Variants in TTI2 observed in about 807,000 individuals in gnomAD.
TTI2 encodes the protein TELO2-interacting protein 2.
A neutral mutation model predicts 44.9 loss-of-function variants in TTI2; 26 were observed. The observed-to-expected ratio is 0.58, with a 90% CI of 0.42 to 0.80. The LOEUF (loss-of-function observed/expected upper bound fraction) is 0.80. Among genes scored for constraint, TTI2 ranks in the 30% least tolerant of loss-of-function variants. The pLI, the probability that TTI2 is intolerant of heterozygous loss-of-function variation, is 0.00. For missense variants in TTI2, 582 were observed against 611.6 expected (o/e 0.95, Z 0.51); for synonymous variants, 254 against 250.9 (o/e 1.01, Z -0.12).
chr8:33,505,585 G>A (rs1039841052), intron 4 of TTI2, among the ~76,000 whole-genome samples: 2 of 151,884 alleles, frequency 1.3e-5, no homozygotes, highest in African/African-American at 4.8e-5. Context: ...TGCCTCCTGG[G>A]TTCAAGCAAT....
chr8:33,502,490 T>C (rs1809121824), intron 6 of TTI2, among the ~76,000 whole-genome samples: 1 of 149,528 alleles, frequency 6.7e-6, no homozygotes, highest in Non-Finnish European at 1.5e-5. Context: ...CATCAAAGAG[T>C]ACCTAGATGG....
intron 4 of TTI2, among the ~76,000 whole-genome samples, chr8:33,506,470 C>T (rs1159767498): frequency 6.8e-6 from 1 of 147,648 alleles, no homozygotes; most frequent in African/African-American, 2.5e-5. Flanking sequence ...CGGCTCACTG[C>T]AACCTCCACC....
intron 6 of TTI2, among the ~76,000 whole-genome samples, chr8:33,502,441 C>T (rs879618664): frequency 6.6e-6 from 1 of 151,854 alleles, no homozygotes; most frequent in African/African-American, 2.4e-5. Context: ...GGTTTCCCAA[C>T]CTATTTGACC....
chr8:33,511,528 C>T (rs1809527234), intron 2 of TTI2, among the ~76,000 whole-genome samples: 1 of 152,096 alleles, frequency 6.6e-6, no homozygotes, highest in Non-Finnish European at 1.5e-5. Context: ...TTAAGAGATC[C>T]GTGGTTACAG....
intron 3 of TTI2, among the ~76,000 whole-genome samples, chr8:33,509,056 T>A (rs924929614): frequency 7.1e-6 from 1 of 141,424 alleles, no homozygotes; most frequent in South Asian, 2.2e-4. Flanking sequence ...GGCAAGAGAA[T>A]CACTTGAACC....
At chr8:33,509,996 A>C (rs530575039) in intron 2 of TTI2, 64 bp from the exon 3 acceptor site, 8 of 1,298,242 alleles carry the variant, frequency 6.2e-6, no homozygotes, top group African/African-American at 1.5e-5. Flanking sequence ...AAAAAAAAAA[A>C]AAACTACTTC....
rs150617464 is a variant in TTI2, at chr8:33,512,143, G to A, written c.471C>T (p.His157=). 3.7e-6 allele frequency: 6 copies of A among 1,614,140 alleles called. No individual in the cohort carries two copies. In the Middle Eastern group the frequency reaches 6.6e-4, roughly 178 times the overall value. ...AGPVYIFAIT[H]SLEQPWTTPR... is the part of the protein sequence containing the mutation. ...GAGTGGTCCATGGTTGCTCCAAGCTGTGTGTGATGGCAAAAATATAAACGG... is the reference window on the plus strand; with the variant it reads ...GAGTGGTCCATGGTTGCTCCAAGCTATGTGTGATGGCAAAAATATAAACGG... The change falls in exon 2 of 8, where the codon CAC becomes CAT. Residue 157 remains histidine, a synonymous_variant. Coordinates refer to ENST00000431156, the MANE Select transcript of TTI2 (RefSeq NM_001102401.4).
At chr8:33,509,598 C>T (rs1221844413) in intron 3 of TTI2, 148 bp downstream of exon 3, 3 of 744,022 alleles carry the variant, frequency 4.0e-6, no homozygotes, top group Non-Finnish European at 6.9e-6. Context: ...CTATAGGATA[C>T]AACTTCTACC....
At chr8:33,509,620 G>A in intron 3 of TTI2, 126 bp downstream of exon 3, 2 of 939,840 alleles carry the variant, frequency 2.1e-6, no homozygotes, top group South Asian at 1.4e-5. Context: ...GGTGGATAGA[G>A]GAAAAATATA....
chr8:33,502,011 G>A (rs1479473546), intron 6 of TTI2, among the ~76,000 whole-genome samples: 2 of 151,820 alleles, frequency 1.3e-5, no homozygotes, highest in African/African-American at 2.4e-5. Flanking sequence ...TGGTTCCATT[G>A]CACCTCACTG....
chr8:33,512,638 G>A lies in TTI2; in HGVS notation c.-25C>T, dbSNP rs754008183. 4 of 1,609,838 alleles carry A rather than the reference G, an allele frequency of 2.5e-6. No individual in the cohort carries two copies. The highest frequency in any genetic ancestry group is 3.4e-6 in the Non-Finnish European group (4 of 1,179,890). The stretch of plus-strand genomic sequence containing the variant: ...TTCCTGACTGCAGCACCAGAAGGCT[G>A]GTCTCTCCCACAGAACGAGGATGGA... On this transcript the variant is annotated 5_prime_UTR_variant, in exon 2 of 8. Transcript: ENST00000431156.
rs372586997 is a variant in TTI2, at chr8:33,507,228, C to T, written c.927+1G>A. The T allele has an allele frequency of 6.2e-7, 1 of 1,613,432 alleles. No homozygotes were observed. Reference sequence around the variant, plus strand: ...CAGTTATGAAGAAATCATACTATTACCTGAATGAGGTGGTGCTCTGGTGTG... The same window carrying T: ...CAGTTATGAAGAAATCATACTATTATCTGAATGAGGTGGTGCTCTGGTGTG... On this transcript the variant is annotated splice_donor_variant, in intron 4 of 7. Transcript: ENST00000431156. LOFTEE classifies it high-confidence loss of function.
In TTI2 at chr8:33,509,919, T is replaced by G; in HGVS notation, c.661A>C (p.Asn221His). Residue 221 changes from asparagine to histidine, a missense_variant, in exon 3 of 8, where the codon AAT becomes CAT. Asn to His is a moderately conservative substitution (Grantham distance 68). Transcript: ENST00000431156. Reference sequence around the variant, plus strand: ...AAAACATGTTTGATGGCAGGGTTATTCTTCCAGGATTCCCTAAGTGAATAC... The same window carrying G: ...AAAACATGTTTGATGGCAGGGTTATGCTTCCAGGATTCCCTAAGTGAATAC... ...KPDLYKESWK[N>H]NPAIKHVFSW... 1.2e-6 allele frequency: 2 copies of G among 1,612,816 alleles called. No individual in the cohort carries two copies. The highest frequency in any genetic ancestry group is 1.7e-6 in the Non-Finnish European group (2 of 1,179,732).
chr8:33,507,889 T>A (rs1809356815), intron 3 of TTI2, among the ~76,000 whole-genome samples: 1 of 149,236 alleles, frequency 6.7e-6, no homozygotes, highest in Admixed American at 6.7e-5. Flanking sequence ...CTTGGGAGGC[T>A]GAGGTGGGAG....
At chr8:33,509,983 A>G in intron 2 of TTI2, 51 bp from the exon 3 acceptor site, 1 of 1,110,620 alleles carries the variant, frequency 9.0e-7, no homozygotes, top group Admixed American at 2.6e-5. Context: ...AAGTAGCAAA[A>G]AAAAAAAAAA....
At chr8:33,499,304 GAT>G (rs774114908) in intron 7 of TTI2, 27 bp from the exon 8 acceptor site, 1 of 1,505,650 alleles carries the variant, frequency 6.6e-7, no homozygotes, top group Non-Finnish European at 9.2e-7. Flanking sequence ...AACAGGCTTT[GAT>G]ATTTTTTTTT....
chr8:33,503,317 G>T, intron 6 of TTI2, 112 bp downstream of exon 6: 1 of 1,421,206 alleles, frequency 7.0e-7, no homozygotes, highest in Non-Finnish European at 9.7e-7. Context: ...AAAATGGGAG[G>T]TATTCAAATA....
In TTI2 at chr8:33,507,367, T is replaced by C. The variant is rs199974739; in HGVS notation, c.835-46A>G. 11 of 1,543,570 alleles carry C rather than the reference T, an allele frequency of 7.1e-6. No homozygotes were observed. In the African/African-American group the frequency reaches 8.2e-5, roughly 11 times the overall value. On this transcript the variant is annotated intron_variant, in intron 3 of 7. Transcript: ENST00000431156. Reference sequence around the variant, plus strand: ...AAATTAAAAGAATAGTTTCCCAAGATTGGCACATGTTGACTATCTTTGAAA... The same window carrying C: ...AAATTAAAAGAATAGTTTCCCAAGACTGGCACATGTTGACTATCTTTGAAA...
intron 4 of TTI2, among the ~76,000 whole-genome samples, chr8:33,506,754 G>A (rs975794199): frequency 1.3e-5 from 2 of 149,566 alleles, no homozygotes; most frequent in Admixed American, 6.7e-5. Flanking sequence ...GTGCAGTGAC[G>A]TGACCTCAGC....
Sources: allele counts gnomAD v4.1 joint callset (sites outside exome capture counted in the v4.1 genomes callset), GRCh38; gene constraint gnomAD v4.1.1; transcripts MANE v1.5; gene names NCBI Gene and HGNC (gene_info 2026-07-23, HGNC 2026-07-21).